Variants in NRDE2 observed in about 807,000 individuals in gnomAD.
NRDE2 encodes the protein NRDE-2, necessary for RNA interference, domain containing.
In NRDE2, 76 loss-of-function variants were observed where a neutral mutation model predicts 124.2. The observed-to-expected ratio is 0.61, with a 90% CI of 0.51 to 0.74. The LOEUF (loss-of-function observed/expected upper bound fraction) is 0.74. Among genes scored for constraint, NRDE2 ranks in the 30% least tolerant of loss-of-function variants. NRDE2 has a pLI of 0.00. For missense variants in NRDE2, 1,314 were observed against 1,417.3 expected, an observed-to-expected ratio of 0.93 and a Z score of 1.17; for synonymous variants, 489 against 528.1, an observed-to-expected ratio of 0.93 and a Z score of 1.01.
Position 90,282,946 on chromosome 14 carries a change from C to T in NRDE2, c.3297+3408G>A, listed in dbSNP as rs140145072. Among the ~76,000 whole-genome samples, 242 of 152,332 alleles carry T rather than the reference C, an allele frequency of 1.6e-3. 3 individuals carry two copies. Among genetic ancestry groups the T allele is most frequent in the Middle Eastern group, 6.8e-3 (2 of 294 alleles). Reference sequence around the variant, plus strand: ...AAAAAAGTGCAAGCAAGCAAATAAGCTTGCATGCATGTTGCAAGAGTATAT... The same window carrying T: ...AAAAAAGTGCAAGCAAGCAAATAAGTTTGCATGCATGTTGCAAGAGTATAT... On this transcript the variant is annotated intron_variant, in intron 12 of 13. Coordinates refer to ENST00000354366, the MANE Select transcript of NRDE2 (RefSeq NM_017970.4).
In NRDE2 at chr14:90,316,769, G is replaced by C. The variant is rs1435801051; in HGVS notation, c.216C>G (p.Asn72Lys). The C allele has an allele frequency of 6.2e-7, 1 of 1,611,338 alleles. No individual in the cohort carries two copies. The highest frequency in any genetic ancestry group is 1.3e-5 in the African/African-American group (1 of 74,536). The change falls in exon 3 of 14, where the codon AAC becomes AAG. Residue 72 changes from asparagine (N) to lysine (K), a missense_variant. Physicochemically the swap from Asn to Lys is moderately conservative, Grantham distance 94 (BLOSUM62 0). Coordinates refer to ENST00000354366, the MANE Select transcript of NRDE2 (RefSeq NM_017970.4). ...KSESSDESDT[N>K]KKLKQTSRKK... is the part of the protein sequence containing the mutation. ...TTCTACTTGTTTGTTTGAGCTTTTTGTTAGTGTCACTTTCATCTGAAGACT... is the reference window on the plus strand; with the variant it reads ...TTCTACTTGTTTGTTTGAGCTTTTTCTTAGTGTCACTTTCATCTGAAGACT...
At chr14:90,313,974 T>A (rs981000750) in intron 3 of NRDE2, among the ~76,000 whole-genome samples, 1 of 152,108 alleles carries the variant, frequency 6.6e-6, no homozygotes, top group African/African-American at 2.4e-5. Context: ...TACTGCAAAC[T>A]GATTGATGCA....
chr14:90,303,991 T>G lies in NRDE2; in HGVS notation c.949A>C (p.Arg317=), dbSNP rs766469575. The G allele has an allele frequency of 6.2e-7, 1 of 1,613,820 alleles. No individual in the cohort carries two copies. The highest frequency in any genetic ancestry group is 8.5e-7 in the Non-Finnish European group (1 of 1,179,906). ...GTATCCCGAGGATTCTCCCGCACCC[T>G]CCTGTTAAACTCCTCCACCTTGGCC... is the stretch of plus-strand genomic sequence containing the variant. ...LKAKVEEFNR[R]VRENPRDTQL... The change falls in exon 5 of 14, where the codon AGG becomes CGG. Residue 317 remains arginine (R), a synonymous_variant. Transcript: ENST00000354366.
At position 90,272,930 on chromosome 14, in the gene NRDE2, T is replaced by C. The variant is rs1243020232; in HGVS notation, c.*5406A>G. ...GAAGTTTTGTGGACCATGCATGTTC[T>C]TAGCACTCTGAGGGCAGAAAATAAC... On this transcript the variant is annotated 3_prime_UTR_variant, in exon 14 of 14. Transcript: ENST00000354366. The surrounding 1 kb of genome is among the most constrained non-coding windows in gnomAD (Gnocchi z 4.5). 6.6e-6 allele frequency: 1 copy of C among 152,404 alleles called. No individual in the cohort carries two copies. Among genetic ancestry groups the C allele is most frequent in the Non-Finnish European group, 1.5e-5 (1 of 68,162 alleles). The allele number at this position is 152,404 out of a possible 1,614,324, so 9.4% of individuals were successfully genotyped here. A position where few individuals can be genotyped will look rare whatever the true frequency, so the allele number is the denominator to read the frequency against.
At chr14:90,328,455 C>T (rs1346587391) in intron 1 of NRDE2, among the ~76,000 whole-genome samples, 1 of 152,098 alleles carries the variant, frequency 6.6e-6, no homozygotes, top group Non-Finnish European at 1.5e-5. Flanking sequence ...CATTTTGCAA[C>T]CTCAATGAAA....
intron 7 of NRDE2, among the ~76,000 whole-genome samples, chr14:90,299,494 T>C (rs1295849205): frequency 6.6e-6 from 1 of 152,190 alleles, no homozygotes. Flanking sequence ...GTGATCATGT[T>C]ATCAACTGGA....
chr14:90,286,576 G>A, intron 11 of NRDE2, 84 bp from the exon 12 acceptor site: 1 of 1,505,622 alleles, frequency 6.6e-7, no homozygotes, highest in South Asian at 1.3e-5. Flanking sequence ...GTGATGATAA[G>A]TGTCAGCAAC....
intron 1 of NRDE2, among the ~76,000 whole-genome samples, chr14:90,318,583 T>C (rs1052933243): frequency 5.3e-5 from 8 of 152,116 alleles, no homozygotes; most frequent in African/African-American, 1.9e-4. Context: ...GCAGATCACC[T>C]GAGGTCGGGA....
chr14:90,294,294 A>G lies in NRDE2; in HGVS notation c.1667-1422T>C, dbSNP rs184982563. On this transcript the variant is annotated intron_variant, in intron 8 of 13. Transcript: ENST00000354366. ...AAATGGTGCAGCTGCCGTCTGCTGTATGGAAAACAGCATGGCATACTAGAC... is the reference window on the plus strand; with the variant it reads ...AAATGGTGCAGCTGCCGTCTGCTGTGTGGAAAACAGCATGGCATACTAGAC... Among the ~76,000 whole-genome samples the G allele has an allele frequency of 1.2e-4, 18 of 151,892 alleles. 1 individual carries two copies. Among genetic ancestry groups the G allele is most frequent in the African/African-American group, 3.6e-4 (15 of 41,408 alleles).
At position 90,269,729 on chromosome 14, in the gene NRDE2, G is replaced by A. The variant is rs1891613380; in HGVS notation, c.*8607C>T. The A allele has an allele frequency of 8.9e-6, 5 of 564,104 alleles. No homozygotes were observed. In the East Asian group the frequency reaches 1.5e-4, roughly 17 times the overall value. The allele number at this position is 564,104 out of a possible 1,614,324, so 34.9% of individuals were successfully genotyped here. A position where few individuals can be genotyped will look rare whatever the true frequency, so the allele number is the denominator to read the frequency against. ...GTTAAAACAGAGCATGATATGGTCT[G>A]TGCACCTTGGCCCTTTGAATTCCAG... On this transcript the variant is annotated 3_prime_UTR_variant, in exon 14 of 14. Coordinates refer to ENST00000354366, the MANE Select transcript of NRDE2 (RefSeq NM_017970.4).
intron 1 of NRDE2, among the ~76,000 whole-genome samples, chr14:90,323,017 G>GT (rs1885296093): frequency 6.6e-6 from 1 of 152,154 alleles, no homozygotes; most frequent in African/African-American, 2.4e-5. Context: ...GTCCTTGCAG[G>GT]TTAGTAAATT....
At chr14:90,316,448 T>C (rs1319969853) in intron 3 of NRDE2, 130 bp downstream of exon 3, 2 of 650,634 alleles carry the variant, frequency 3.1e-6, no homozygotes, top group Non-Finnish European at 5.3e-6. Flanking sequence ...TTTTTTAAGC[T>C]GATATAATGG....
chr14:90,268,562 C>A lies in NRDE2; in HGVS notation c.*9774G>T. On this transcript the variant is annotated 3_prime_UTR_variant, in exon 14 of 14. Transcript: ENST00000354366. ...ATGCATGCTTTAGGCTCTGCTCTCCCAGGAGCCAGCTAACAACTGCCCAGT... is the reference window on the plus strand; with the variant it reads ...ATGCATGCTTTAGGCTCTGCTCTCCAAGGAGCCAGCTAACAACTGCCCAGT... 2 of 713,904 alleles carry A rather than the reference C, an allele frequency of 2.8e-6. No homozygotes were observed. Among genetic ancestry groups the A allele is most frequent in the East Asian group, 5.2e-5 (2 of 38,422 alleles). 44.2% of individuals were successfully genotyped at this position (713,904 alleles called of 1,614,324 possible). A position where few individuals can be genotyped will look rare whatever the true frequency, so the allele number is the denominator to read the frequency against.
Position 90,275,423 on chromosome 14 carries a change from A to G in NRDE2, c.*2913T>C, listed in dbSNP as rs1394252339. ...AAGTTTGAGATTAAAAAAAACAAAA[A>G]ACCCCAGCACATCAGTATTGCCTTT... On this transcript the variant is annotated 3_prime_UTR_variant, in exon 14 of 14. Transcript: ENST00000354366. The G allele has an allele frequency of 2.0e-5, 3 of 151,978 alleles. No individual in the cohort carries two copies. The highest frequency in any genetic ancestry group is 4.8e-5 in the African/African-American group (2 of 41,374). The allele number at this position is 151,978 out of a possible 1,614,324, so 9.4% of individuals were successfully genotyped here.
At position 90,312,623 on chromosome 14, in the gene NRDE2, TGA is replaced by T; in HGVS notation, c.408-82_408-81del. 15 of 1,432,630 alleles carry T rather than the reference TGA, an allele frequency of 1.0e-5. No homozygotes were observed. The South Asian group carries it at 1.7e-4, about 17-fold the overall frequency. 88.7% of individuals were successfully genotyped at this position (1,432,630 alleles called of 1,614,324 possible). A position where few individuals can be genotyped will look rare whatever the true frequency, so the allele number is the denominator to read the frequency against. ...GACGCAGGTGGCATTTTCAGCAATATGAGAGTTAAACACTTCAAACTCCACAT... is the reference window on the plus strand; with the variant it reads ...GACGCAGGTGGCATTTTCAGCAATATGAGTTAAACACTTCAAACTCCACAT... On this transcript the variant is annotated intron_variant, in intron 3 of 13. Coordinates refer to ENST00000354366, the MANE Select transcript of NRDE2 (RefSeq NM_017970.4).
In NRDE2 at chr14:90,288,681, A is replaced by G; in HGVS notation, c.2694T>C (p.Asp898=). The change falls in exon 11 of 14, where the codon GAT becomes GAC. Residue 898 remains aspartate, a synonymous_variant. Transcript: ENST00000354366. The part of the protein sequence containing the change: ...DSCVSNPAPT[D]SCSRLISLAK... ...CCAGGCTAATTAGGCGGCTACAGGAATCGGTGGGAGCTGGATTGGAGACAC... is the reference window on the plus strand; with the variant it reads ...CCAGGCTAATTAGGCGGCTACAGGAGTCGGTGGGAGCTGGATTGGAGACAC... 1 of 1,614,218 alleles carries G rather than the reference A, an allele frequency of 6.2e-7. No individual in the cohort carries two copies. The highest frequency in any genetic ancestry group is 8.5e-7 in the Non-Finnish European group (1 of 1,180,040).
chr14:90,303,092 T>C lies in NRDE2; in HGVS notation c.1039A>G (p.Ile347Val), dbSNP rs1884465373. 6.2e-7 allele frequency: 1 copy of C among 1,614,026 alleles called. No individual in the cohort carries two copies. The highest frequency in any genetic ancestry group is 8.5e-7 in the Non-Finnish European group (1 of 1,180,022). The change falls in exon 6 of 14, where the codon ATC (isoleucine) becomes GTC (valine). Residue 347 changes from isoleucine to valine, a missense_variant. Ile to Val is a conservative substitution (Grantham distance 29). Transcript: ENST00000354366. Reference sequence around the variant, plus strand: ...CGCTTTTCCTGCTCTCCTTCCTCGATGGCATACAGGCCAGGACTTTTCATG... The same window carrying C: ...CGCTTTTCCTGCTCTCCTTCCTCGACGGCATACAGGCCAGGACTTTTCATG... ...EVMKSPGLYA[I>V]EEGEQEKRKR...
intron 1 of NRDE2, among the ~76,000 whole-genome samples, chr14:90,319,271 T>C (rs1885159167): frequency 6.6e-6 from 1 of 152,216 alleles, no homozygotes; most frequent in Non-Finnish European, 1.5e-5. Context: ...AAGAACCCGT[T>C]AAATGGTTGA....
In NRDE2 at chr14:90,288,200, G is replaced by C. The variant is rs777373808; in HGVS notation, c.3158+17C>G. 17 of 1,604,028 alleles carry C rather than the reference G, an allele frequency of 1.1e-5. No individual in the cohort carries two copies. The highest frequency in any genetic ancestry group is 5.1e-5 in the Admixed American group (3 of 59,238). On this transcript the variant is annotated intron_variant, in intron 11 of 13. Coordinates refer to ENST00000354366, the MANE Select transcript of NRDE2 (RefSeq NM_017970.4). The stretch of plus-strand genomic sequence containing the variant: ...TAAACATTTGCGGGGCACACGAACA[G>C]AACGGTCTGGAATTACCTCTGGACA...
Sources: allele counts gnomAD v4.1 joint callset (sites outside exome capture counted in the v4.1 genomes callset), GRCh38; gene constraint gnomAD v4.1.1; non-coding constraint Gnocchi (gnomAD v3.1); transcripts MANE v1.5; gene names NCBI Gene and HGNC (gene_info 2026-07-23, HGNC 2026-07-21).